EIF3A: variants seen among roughly 807,000 people sequenced by gnomAD.
The protein encoded by EIF3A is eukaryotic translation initiation factor 3 subunit A.
EIF3A carries 21 observed loss-of-function variants against 186.6 expected under a neutral mutation model. The observed-to-expected ratio is 0.11, with a 90% CI of 0.08 to 0.16. The LOEUF (loss-of-function observed/expected upper bound fraction) is 0.16. Ranked by LOEUF, EIF3A falls within the 10% of genes least tolerant of loss-of-function variation. The pLI, the probability that EIF3A is intolerant of heterozygous loss-of-function variation, is 1.00. For synonymous variants in EIF3A, 563 were observed against 584.3 expected, an observed-to-expected ratio of 0.96 and a Z score of 0.52; for missense variants, 1,306 against 1,796.3, an observed-to-expected ratio of 0.73 and a Z score of 4.93.
At chr10:119,052,043 G>GT (rs1848363399) in intron 14 of EIF3A, among the ~76,000 whole-genome samples, 1 of 152,134 alleles carries the variant, frequency 6.6e-6, no homozygotes, top group Non-Finnish European at 1.5e-5. Flanking sequence ...CTTAAAATAG[G>GT]TAACAATGAA....
intron 14 of EIF3A, among the ~76,000 whole-genome samples, chr10:119,054,701 T>C (rs1848400899): frequency 6.8e-6 from 1 of 147,252 alleles, no homozygotes; most frequent in South Asian, 2.2e-4. Context: ...CACTCCAGCT[T>C]GGGCAACAAC....
chr10:119,051,213 G>C lies in EIF3A; in HGVS notation c.2305C>G (p.Gln769Glu), dbSNP rs137888308. 6.2e-4 allele frequency: 992 copies of C among 1,608,416 alleles called. No individual in the cohort carries two copies. The highest frequency in any genetic ancestry group is 7.7e-4 in the Non-Finnish European group (906 of 1,178,640). The change falls in exon 15 of 22, where the codon CAG (glutamine) becomes GAG (glutamate). Residue 769 changes from glutamine to glutamate, a missense_variant. Physicochemically the swap from Gln to Glu is conservative, Grantham distance 29. Transcript: ENST00000369144. Reference sequence around the variant, plus strand: ...AGCAAGCTCACCTCATAAACAGACTGCCGTGCAGCTTTGAGTCGCATTACG... The same window carrying C: ...AGCAAGCTCACCTCATAAACAGACTCCCGTGCAGCTTTGAGTCGCATTACG... ...LFVMRLKAAR[Q>E]SVYEEKLKQF...
chr10:119,048,333 A>G (rs1848308967), intron 17 of EIF3A, among the ~76,000 whole-genome samples: 1 of 152,180 alleles, frequency 6.6e-6, no homozygotes, highest in African/African-American at 2.4e-5. Context: ...GAATTAAGGC[A>G]GTAATGTAGG....
At chr10:119,078,705 T>A (rs928780530) in intron 1 of EIF3A, among the ~76,000 whole-genome samples, 2 of 152,092 alleles carry the variant, frequency 1.3e-5, no homozygotes, top group African/African-American at 2.4e-5. Context: ...AAACTCAAGT[T>A]TCCCCCCCAG....
chr10:119,038,552 A>G, intron 19 of EIF3A, 113 bp from the exon 20 acceptor site: 1 of 844,014 alleles, frequency 1.2e-6, no homozygotes, highest in Non-Finnish European at 1.9e-6. Context: ...TGCTAATTTA[A>G]GACACTGATT....
chr10:119,049,693 C>T (rs1435506649), intron 17 of EIF3A, 108 bp downstream of exon 17: 2 of 912,954 alleles, frequency 2.2e-6, no homozygotes, highest in Non-Finnish European at 3.4e-6. Context: ...TGAGATTGCA[C>T]CACTGTACTC....
At chr10:119,076,351 G>A (rs974897050) in intron 1 of EIF3A, among the ~76,000 whole-genome samples, 10 of 149,438 alleles carry the variant, frequency 6.7e-5, no homozygotes, top group Non-Finnish European at 1.2e-4. Context: ...TTTGCTACAG[G>A]ATAAATCACA....
intron 4 of EIF3A, 33 bp downstream of exon 4, chr10:119,072,857 G>A: frequency 6.3e-7 from 1 of 1,577,818 alleles, no homozygotes. Context: ...CAATTTCAAA[G>A]CACTTCACTC....
chr10:119,077,877 C>T (rs1163347298), intron 1 of EIF3A, among the ~76,000 whole-genome samples: 2 of 151,840 alleles, frequency 1.3e-5, no homozygotes, highest in African/African-American at 2.4e-5. Flanking sequence ...TAATAGTGGC[C>T]GGGGGAAGCT....
At chr10:119,072,006 C>A (rs1335845865) in intron 4 of EIF3A, among the ~76,000 whole-genome samples, 1 of 107,756 alleles carries the variant, frequency 9.3e-6, no homozygotes. Flanking sequence ...GCCTGGGCCA[C>A]AGAGCAAGAC....
At chr10:119,046,172 C>T (rs975528259) in intron 17 of EIF3A, among the ~76,000 whole-genome samples, 2 of 152,056 alleles carry the variant, frequency 1.3e-5, no homozygotes, top group East Asian at 1.9e-4. Flanking sequence ...CTTCCTTTAC[C>T]GCAAGAATAG....
intron 4 of EIF3A, among the ~76,000 whole-genome samples, chr10:119,072,243 T>TAAA (rs68078133): frequency 2.2e-4 from 27 of 122,832 alleles, no homozygotes; most frequent in African/African-American, 8.5e-4. Context: ...TCAAGTTCAC[T>TAAA]AAAAAAAAAA....
chr10:119,072,634 T>A (rs913464421), intron 4 of EIF3A, among the ~76,000 whole-genome samples: 7 of 152,124 alleles, frequency 4.6e-5, no homozygotes, highest in African/African-American at 1.7e-4. Context: ...TTTGTATTTT[T>A]AGTAGAGAAG....
intron 7 of EIF3A, among the ~76,000 whole-genome samples, chr10:119,062,403 A>T (rs1365355596): frequency 6.6e-6 from 1 of 152,228 alleles, no homozygotes; most frequent in Non-Finnish European, 1.5e-5. Flanking sequence ...GAGATAATGG[A>T]ATCACTCTGT....
intron 14 of EIF3A, 80 bp downstream of exon 14, chr10:119,056,660 C>A: frequency 1.1e-6 from 1 of 909,264 alleles, no homozygotes; most frequent in African/African-American, 1.7e-5. Context: ...CAAAATAAAG[C>A]AATTCTGAAT....
At chr10:119,072,840 C>G (rs780801273) in intron 4 of EIF3A, 50 bp downstream of exon 4, 2 of 1,554,352 alleles carry the variant, frequency 1.3e-6, no homozygotes, top group African/African-American at 1.4e-5. Flanking sequence ...AAAATTTACT[C>G]CTCAGTCAAT....
intron 20 of EIF3A, 91 bp downstream of exon 20, chr10:119,038,147 A>C (rs757842526): frequency 6.2e-6 from 7 of 1,130,724 alleles, no homozygotes; most frequent in Non-Finnish European, 7.8e-6. Context: ...GAACTCCTGA[A>C]CTCAGGTGAT....
chr10:119,075,621 A>AAAGG lies in EIF3A; in HGVS notation c.50-1685_50-1684insCCTT, dbSNP rs5788327. 3.0e-3 allele frequency among the ~76,000 whole-genome samples: 333 copies of AAAGG among 111,730 alleles called. 22 individuals are homozygous for AAAGG. The East Asian group carries it at 0.069, about 23-fold the overall frequency. 73.3% of individuals were successfully genotyped at this position (111,730 alleles called of 152,430 possible). Reference sequence around the variant, plus strand: ...CTAAAACACTACACTAAAAAAAAAAAGGGGGGGAGCTTAAAACACTATATA... The same window carrying AAAGG: ...CTAAAACACTACACTAAAAAAAAAAAAAGGGGGGGGGAGCTTAAAACACTATATA... On this transcript the variant is annotated intron_variant, in intron 1 of 21. Coordinates refer to ENST00000369144, the MANE Select transcript of EIF3A (RefSeq NM_003750.4).
At chr10:119,036,528 T>C (rs1316864350) in intron 21 of EIF3A, among the ~76,000 whole-genome samples, 1 of 152,130 alleles carries the variant, frequency 6.6e-6, no homozygotes. Context: ...AGGACTACAG[T>C]TAGTATAAAC....
Sources: allele counts gnomAD v4.1 joint callset (sites outside exome capture counted in the v4.1 genomes callset), GRCh38; gene constraint gnomAD v4.1.1; transcripts MANE v1.5; gene names NCBI Gene and HGNC (gene_info 2026-07-23, HGNC 2026-07-21).